PECAM1: variants seen among roughly 807,000 people sequenced by gnomAD.
PECAM1 encodes the protein platelet endothelial cell adhesion molecule.
A neutral mutation model predicts 13.8 loss-of-function variants in PECAM1; 8 were observed. The ratio of observed to expected loss-of-function variants is 0.58; its 90% CI spans 0.34 to 1.05. The LOEUF is 1.05. Among genes scored for constraint, PECAM1 ranks in the 50% least tolerant of loss-of-function variants. The probability of loss-of-function intolerance (pLI) is 0.03; values close to 1 mark genes in which losing one functional copy is unlikely to be tolerated. For missense variants in PECAM1, 304 were observed against 141.2 expected, an observed-to-expected ratio of 2.15 and a Z score of -5.84; for synonymous variants, 136 against 52.6, an observed-to-expected ratio of 2.58 and a Z score of -6.86.
At chr17:64,372,905 C>T (rs921293369) in intron 4 of PECAM1, among the ~76,000 whole-genome samples, 10 of 151,002 alleles carry the variant, frequency 6.6e-5, no homozygotes, top group African/African-American at 2.2e-4. Flanking sequence ...CACCTGAGAT[C>T]GGGAGTCAAG....
intron 7 of PECAM1, among the ~76,000 whole-genome samples, chr17:64,358,667 G>A (rs2035903104): frequency 1.3e-5 from 2 of 152,086 alleles, no homozygotes; most frequent in Non-Finnish European, 2.9e-5. Flanking sequence ...ATGCTTATTG[G>A]TATTATGATT....
In PECAM1 at chr17:64,321,443, G is replaced by A. The variant is rs1259749050; in HGVS notation, c.*2373C>T. ...TCCTCCTCGGAAATATAGGCAGAAG[G>A]GAAAGTAATTTTAAACTCATGTGTG... On this transcript the variant is annotated 3_prime_UTR_variant, in exon 16 of 16. Coordinates refer to ENST00000563924, the MANE Select transcript of PECAM1 (RefSeq NM_000442.5). The A allele has an allele frequency of 1.0e-6, 1 of 986,900 alleles. No individual in the cohort carries two copies. The highest frequency in any genetic ancestry group is 1.7e-5 in the African/African-American group (1 of 57,242). 61.1% of individuals were successfully genotyped at this position (986,900 alleles called of 1,614,324 possible). A position where few individuals can be genotyped will look rare whatever the true frequency, so the allele number is the denominator to read the frequency against.
chr17:64,357,806 T>C (rs1455221944), intron 7 of PECAM1, among the ~76,000 whole-genome samples: 1 of 152,188 alleles, frequency 6.6e-6, no homozygotes, highest in Admixed American at 6.5e-5. Flanking sequence ...GCTACTGATA[T>C]CGACCCAGTT....
At position 64,363,377 on chromosome 17, in the gene PECAM1, G is replaced by T. The variant is rs991199932; in HGVS notation, c.988C>A (p.Leu330Met). ...NITELFSKPELESSFTHLDQG... is the reference protein window; with the variant it reads ...NITELFSKPEMESSFTHLDQG... Reference sequence around the variant, plus strand: ...TCCAGATGTGTGAAGGAAGATTCCAGTTCGGGCTTGGAAAATAGTTCTGAA... The same window carrying T: ...TCCAGATGTGTGAAGGAAGATTCCATTTCGGGCTTGGAAAATAGTTCTGAA... The change falls in exon 6 of 16, where the codon CTG (leucine) becomes ATG (methionine). Residue 330 changes from leucine (L) to methionine (M), a missense_variant. Coordinates refer to ENST00000563924, the MANE Select transcript of PECAM1 (RefSeq NM_000442.5). 2.1e-6 allele frequency: 1 copy of T among 475,444 alleles called. No homozygotes were observed. The highest frequency in any genetic ancestry group is 6.0e-4 in the Middle Eastern group (1 of 1,660). The allele number at this position is 475,444 out of a possible 1,614,324, so 29.5% of individuals were successfully genotyped here. A position where few individuals can be genotyped will look rare whatever the true frequency, so the allele number is the denominator to read the frequency against.
intron 13 of PECAM1, among the ~76,000 whole-genome samples, chr17:64,346,484 C>T (rs1331363967): frequency 3.9e-5 from 6 of 152,220 alleles, no homozygotes; most frequent in Admixed American, 6.5e-5. Flanking sequence ...TACAGGCATG[C>T]GCCACCACGC....
intron 8 of PECAM1, among the ~76,000 whole-genome samples, 165 bp downstream of exon 8, chr17:64,355,946 G>A (rs2035835916): frequency 6.6e-6 from 1 of 152,022 alleles, no homozygotes; most frequent in African/African-American, 2.4e-5. Context: ...TACTTAATTT[G>A]AGTGGGTTTC....
chr17:64,363,704 T>G (rs1364889649), intron 5 of PECAM1, among the ~76,000 whole-genome samples: 3 of 152,084 alleles, frequency 2.0e-5, no homozygotes, highest in African/African-American at 7.2e-5. Flanking sequence ...CCCAGCACTT[T>G]GGGAGGCAGA....
chr17:64,352,225 C>T (rs4968725), intron 11 of PECAM1, among the ~76,000 whole-genome samples, 165 bp downstream of exon 11: 62,843 of 151,974 alleles, frequency 0.41, 14,374 homozygotes, highest in South Asian at 0.58. Context: ...TTTACGTTTC[C>T]GTATATTACA....
At chr17:64,359,193 A>G (rs1241064169) in intron 7 of PECAM1, among the ~76,000 whole-genome samples, 1 of 152,192 alleles carries the variant, frequency 6.6e-6, no homozygotes, top group Admixed American at 6.6e-5. Context: ...CCAGCAGCCC[A>G]TGTAGATAGG....
In PECAM1 at chr17:64,369,786, T is replaced by C; in HGVS notation, c.931A>G (p.Ile311Val). The stretch of plus-strand genomic sequence containing the variant: ...ACCACGATGCTGCTGACCTTGGATA[T>C]GCGGCTGGACTCCACTTTGCACGTG... Reference protein sequence around the residue: ...NYTCKVESSRISKVSSIVVNI... With the variant: ...NYTCKVESSRVSKVSSIVVNI... The change falls in exon 5 of 16, where the codon ATA becomes GTA. Residue 311 changes from isoleucine to valine, a missense_variant. Ile to Val is a conservative substitution (Grantham distance 29). Coordinates refer to ENST00000563924, the MANE Select transcript of PECAM1 (RefSeq NM_000442.5). 2.5e-6 allele frequency: 1 copy of C among 398,672 alleles called. No homozygotes were observed. Among genetic ancestry groups the C allele is most frequent in the Non-Finnish European group, 4.4e-6 (1 of 226,100 alleles). 24.7% of individuals were successfully genotyped at this position (398,672 alleles called of 1,614,324 possible).
chr17:64,330,289 G>A (rs112591191), intron 14 of PECAM1, among the ~76,000 whole-genome samples: 2,036 of 152,104 alleles, frequency 0.013, 29 homozygotes, highest in Middle Eastern at 0.048. Flanking sequence ...AAAGTGCTGG[G>A]ATTACAAGTG....
chr17:64,381,340 C>T (rs2036476955), intron 2 of PECAM1, among the ~76,000 whole-genome samples: 1 of 152,302 alleles, frequency 6.6e-6, no homozygotes, highest in East Asian at 1.9e-4. Flanking sequence ...TGCGTTTGTG[C>T]TAAATGGGCC....
intron 2 of PECAM1, among the ~76,000 whole-genome samples, chr17:64,387,650 G>A (rs118198448): frequency 0.016 from 2,478 of 152,254 alleles, 76 homozygotes; most frequent in African/African-American, 0.057. Flanking sequence ...TGTGTCCTCC[G>A]AGGCCGGGAG....
At chr17:64,369,010 C>T (rs2036177597) in intron 5 of PECAM1, among the ~76,000 whole-genome samples, 1 of 127,046 alleles carries the variant, frequency 7.9e-6, no homozygotes. Context: ...AATCTCAGCT[C>T]ACCGCAGCCT....
intron 15 of PECAM1, 35 bp downstream of exon 15, chr17:64,329,665 C>G (rs369409026): frequency 8.1e-6 from 6 of 744,072 alleles, no homozygotes; most frequent in African/African-American, 6.9e-5. Context: ...CAGTGGAGTA[C>G]TTTTAAATAT....
chr17:64,350,517 A>C (rs903936656), intron 11 of PECAM1, 84 bp from the exon 12 acceptor site: 33 of 410,644 alleles, frequency 8.0e-5, no homozygotes, highest in Middle Eastern at 6.3e-4. Flanking sequence ...ACCCCTAACA[A>C]AGTCAAGCCT....
At chr17:64,352,869 T>A (rs1410134414) in intron 10 of PECAM1, among the ~76,000 whole-genome samples, 2 of 152,010 alleles carry the variant, frequency 1.3e-5, no homozygotes, top group African/African-American at 2.4e-5. Context: ...AGGCTGGTCT[T>A]GAACTCCTGA....
chr17:64,340,104 A>G (rs907595566), intron 14 of PECAM1, among the ~76,000 whole-genome samples: 2 of 152,300 alleles, frequency 1.3e-5, no homozygotes, highest in Admixed American at 1.3e-4. Context: ...GTCAGCTGAG[A>G]TGGCACTGCT....
intron 7 of PECAM1, among the ~76,000 whole-genome samples, chr17:64,359,901 C>T (rs1036617741): frequency 3.3e-5 from 5 of 152,006 alleles, no homozygotes; most frequent in African/African-American, 1.2e-4. Flanking sequence ...TATAGGCGCA[C>T]GCCACCATGC....
Sources: gnomAD v4.1 joint callset for allele counts (sites outside exome capture counted in the v4.1 genomes callset) on GRCh38, gnomAD v4.1.1 for gene constraint, MANE v1.5 for transcripts, NCBI Gene and HGNC (gene_info 2026-07-23, HGNC 2026-07-21) for gene names.